CHODL: variants seen among roughly 807,000 people sequenced by gnomAD.
CHODL encodes the protein transmembrane protein MT75.
CHODL carries 29 observed loss-of-function variants against 34.5 expected under a neutral mutation model. The observed-to-expected ratio is 0.84, with a 90% CI of 0.63 to 1.15. The LOEUF (loss-of-function observed/expected upper bound fraction) is 1.15, where lower values mean the gene tolerates loss of function less well. Among genes scored for constraint, CHODL ranks in the 50% most tolerant of loss-of-function variants. CHODL has a pLI of 0.00. For missense variants in CHODL, 332 were observed against 332.5 expected, an observed-to-expected ratio of 1.00 and a Z score of 0.01; for synonymous variants, 125 against 116.1, an observed-to-expected ratio of 1.08 and a Z score of -0.49.
At chr21:18,124,138 T>C (rs2146582130) in intron 2 of CHODL, among the ~76,000 whole-genome samples, 1 of 152,314 alleles carries the variant, frequency 6.6e-6, no homozygotes, top group African/African-American at 2.4e-5. Flanking sequence ...TTCACTCTAT[T>C]CATGAATGAC....
At chr21:17,943,159 A>C (rs1436218062) in intron 1 of CHODL, among the ~76,000 whole-genome samples, 1 of 152,218 alleles carries the variant, frequency 6.6e-6, no homozygotes. Flanking sequence ...AGATTTGATT[A>C]AAGTCCATAG....
intron 1 of CHODL, among the ~76,000 whole-genome samples, chr21:17,975,057 G>A (rs1002538610): frequency 2.6e-5 from 4 of 152,010 alleles, no homozygotes; most frequent in Admixed American, 2.6e-4. Context: ...GCCTGGTGCA[G>A]TGGCTCATGC....
chr21:18,028,698 TAAA>T (rs34588468), intron 2 of CHODL, among the ~76,000 whole-genome samples: 53 of 85,238 alleles, frequency 6.2e-4, no homozygotes, highest in South Asian at 2.2e-3. Flanking sequence ...AAACTCCATC[TAAA>T]AAAAAAAAAA....
intron 2 of CHODL, among the ~76,000 whole-genome samples, chr21:18,038,789 A>G (rs991836567): frequency 6.6e-6 from 1 of 151,778 alleles, no homozygotes; most frequent in South Asian, 2.1e-4. Flanking sequence ...AAGTAAAATG[A>G]CTTGATGTAA....
intron 2 of CHODL, among the ~76,000 whole-genome samples, chr21:18,238,796 T>C (rs185054739): frequency 2.0e-5 from 3 of 152,306 alleles, no homozygotes; most frequent in Admixed American, 1.3e-4. Context: ...TGAAGAACTT[T>C]ATATACATAT....
rs183816856 is a variant in CHODL at position 17,978,615 on chromosome 21, G to A, written c.-144-49257G>A. Among the ~76,000 whole-genome samples the A allele has an allele frequency of 4.3e-4, 65 of 151,980 alleles. No individual in the cohort carries two copies. The East Asian group carries it at 0.012, about 29-fold the overall frequency. On this transcript the variant is annotated intron_variant, in intron 1 of 6. Coordinates refer to the CHODL transcript ENST00000400127. ...TGCCTGTAGTTCCAGCTACTCGGGAGGCGGAGGCAGGAGAATGGCGTGAAC... is the reference window on the plus strand; with the variant it reads ...TGCCTGTAGTTCCAGCTACTCGGGAAGCGGAGGCAGGAGAATGGCGTGAAC...
intron 2 of CHODL, among the ~76,000 whole-genome samples, chr21:18,063,971 A>G (rs2064700227): frequency 6.6e-6 from 1 of 152,046 alleles, no homozygotes; most frequent in Admixed American, 6.6e-5. Flanking sequence ...GTCTTCCTAG[A>G]TGATGTCCCT....
Position 18,095,699 on chromosome 21 carries a change from A to G in CHODL, c.-45+67728A>G, listed in dbSNP as rs555366168. ...TACCAAAAGCAGACAAGACAGATTC[A>G]AAAAAGAAAACTGTAGGCCAATATC... On this transcript the variant is annotated intron_variant, in intron 2 of 6. Transcript: ENST00000400127. Among the ~76,000 whole-genome samples, 7 of 152,330 alleles carry G rather than the reference A, an allele frequency of 4.6e-5. No individual in the cohort carries two copies. In the South Asian group the frequency reaches 1.4e-3, roughly 32 times the overall value.
At chr21:18,009,902 A>C (rs2063998081) in intron 1 of CHODL, among the ~76,000 whole-genome samples, 1 of 149,816 alleles carries the variant, frequency 6.7e-6, no homozygotes, top group Non-Finnish European at 1.5e-5. Flanking sequence ...AAAAAAAAAT[A>C]ACATTTGGGT....
At chr21:17,932,591 C>T (rs191996056) in intron 1 of CHODL, among the ~76,000 whole-genome samples, 3 of 61,590 alleles carry the variant, frequency 4.9e-5, no homozygotes, top group Admixed American at 2.1e-4. Context: ...ATAAAGAAAA[C>T]GTGGTATATA....
intron 2 of CHODL, among the ~76,000 whole-genome samples, chr21:18,222,657 C>T (rs1369761514): frequency 6.6e-6 from 1 of 152,142 alleles, no homozygotes. Flanking sequence ...GGCCAGCTGC[C>T]TTGCTTCCCT....
chr21:17,947,954 T>C (rs371302263), intron 1 of CHODL, among the ~76,000 whole-genome samples: 4 of 152,266 alleles, frequency 2.6e-5, no homozygotes, highest in African/African-American at 4.8e-5. Flanking sequence ...ATATATACTA[T>C]GGAATACTAC....
chr21:17,956,700 A>G (rs1253125030), intron 1 of CHODL, among the ~76,000 whole-genome samples: 2 of 136,346 alleles, frequency 1.5e-5, no homozygotes, highest in Non-Finnish European at 3.3e-5. Flanking sequence ...GTGTTTTCAT[A>G]TGGCAGAAGG....
In CHODL at chr21:18,028,698, TAA is replaced by T. The variant is rs34588468; in HGVS notation, c.-45+750_-45+751del. Reference sequence around the variant, plus strand: ...TGGGCAACAAGAGCAAAACTCCATCTAAAAAAAAAAAAAAAAAAAAAAAAGAA... The same window carrying T: ...TGGGCAACAAGAGCAAAACTCCATCTAAAAAAAAAAAAAAAAAAAAAAGAA... On this transcript the variant is annotated intron_variant, in intron 2 of 6. Transcript: ENST00000400127. Among the ~76,000 whole-genome samples, 117 of 85,256 alleles carry T rather than the reference TAA, an allele frequency of 1.4e-3. 1 individual carries two copies. Among genetic ancestry groups the T allele is most frequent in the African/African-American group, 2.4e-3 (51 of 21,688 alleles). The allele number at this position is 85,256 out of a possible 152,430, so 55.9% of individuals were successfully genotyped here. A position where few individuals can be genotyped will look rare whatever the true frequency, so the allele number is the denominator to read the frequency against.
At chr21:18,240,095 G>A (rs112260649), upstream of CHODL, among the ~76,000 whole-genome samples, 21 of 151,964 alleles carry the variant, frequency 1.4e-4, 1 homozygote, top group South Asian at 4.2e-4. Flanking sequence ...TTTAACATAC[G>A]TATTGTTTTT....
upstream of CHODL, among the ~76,000 whole-genome samples, chr21:18,244,096 T>C (rs1457150440): frequency 6.6e-6 from 1 of 152,224 alleles, no homozygotes; most frequent in Non-Finnish European, 1.5e-5. Flanking sequence ...GGTCAGGTTA[T>C]GAAAAATGCA....
chr21:18,016,783 C>A (rs182041831), intron 1 of CHODL, among the ~76,000 whole-genome samples: 1 of 152,218 alleles, frequency 6.6e-6, no homozygotes, highest in Non-Finnish European at 1.5e-5. Context: ...GGGATCTGTA[C>A]CCTGCAGAGC....
chr21:18,101,738 C>G (rs565069849), intron 2 of CHODL, among the ~76,000 whole-genome samples: 1 of 145,660 alleles, frequency 6.9e-6, no homozygotes, highest in African/African-American at 2.5e-5. Flanking sequence ...TTGCTGATGT[C>G]TGTACTTGTG....
Position 18,251,407 on chromosome 21 carries a change from GTATTTTATT to G in CHODL, c.80-5087_80-5079del, listed in dbSNP as rs1176154715. On this transcript the variant is annotated intron_variant, in intron 1 of 5. Transcript: ENST00000299295. ...TTATTTGTTTTAATATATAAAATAT[GTATTTTATT>G]TATTTTATTTATTTATTTTAATATA... 9.3e-4 allele frequency among the ~76,000 whole-genome samples: 18 copies of G among 19,416 alleles called. 4 individuals carry two copies. The highest frequency in any genetic ancestry group is 5.1e-3 in the African/African-American group (17 of 3,310). The allele number at this position is 19,416 out of a possible 152,430, so 12.7% of individuals were successfully genotyped here.
Sources: allele counts gnomAD v4.1 joint callset (sites outside exome capture counted in the v4.1 genomes callset), GRCh38; gene constraint gnomAD v4.1.1; transcripts MANE v1.5; gene names NCBI Gene and HGNC (gene_info 2026-07-23, HGNC 2026-07-21).